Variants in LAMA5 observed in about 807,000 individuals in gnomAD.
The protein encoded by LAMA5 is laminin subunit alpha-5.
Under a neutral mutation model 433.4 loss-of-function variants are expected in LAMA5, and 260 were observed. The ratio of observed to expected loss-of-function variants is 0.60; its 90% confidence interval spans 0.54 to 0.66. LAMA5 has a LOEUF of 0.66. Among genes scored for constraint, LAMA5 ranks in the 30% least tolerant of loss-of-function variants. The probability of loss-of-function intolerance (pLI) is 0.00; values close to 1 mark genes in which losing one functional copy is unlikely to be tolerated. For synonymous variants in LAMA5, 2,620 were observed against 2,226.6 expected (o/e 1.18, Z -4.97); for missense variants, 5,378 against 5,258.5 (o/e 1.02, Z -0.70).
Position 62,310,278 on chromosome 20 carries a change from A to AG in LAMA5, c.10633dup (p.Leu3545ProfsTer41). On this transcript the variant is annotated frameshift_variant, in exon 77 of 80. Coordinates refer to ENST00000252999, the MANE Select transcript of LAMA5 (RefSeq NM_005560.6). LOFTEE classifies it high-confidence loss of function. The stretch of plus-strand genomic sequence containing the variant: ...TGCCAGGGGCCGCACCTCCAGTTCC[A>AG]GGCCCACATCAGGCAGTGTAGCTCC... The AG allele has an allele frequency of 1.2e-6, 2 of 1,610,888 alleles. No individual in the cohort carries two copies. The highest frequency in any genetic ancestry group is 8.5e-7 in the Non-Finnish European group (1 of 1,178,814).
chr20:62,316,765 C>A lies in LAMA5; in HGVS notation c.7662G>T (p.Val2554=), dbSNP rs750985485. 2 of 1,604,920 alleles carry A rather than the reference C, an allele frequency of 1.2e-6. No individual in the cohort carries two copies. The highest frequency in any genetic ancestry group is 1.7e-6 in the Non-Finnish European group (2 of 1,175,680). ...QQADHTWATV[V]RQGLVDRAQQ... is the part of the protein sequence containing the mutation. ...GGGCTCGGTCCACCAGGCCCTGCCG[C>A]ACCACCGTCTGTGGATGCCAGGGCA... is the stretch of plus-strand genomic sequence containing the variant. The change falls in exon 57 of 80, where the codon GTG becomes GTT. Residue 2554 remains valine, a synonymous_variant. Transcript: ENST00000252999.
At chr20:62,352,510 A>G in intron 3 of LAMA5, 150 bp from the exon 4 acceptor site, 1 of 638,218 alleles carries the variant, frequency 1.6e-6, no homozygotes, top group Admixed American at 2.6e-5. Context: ...TCACTGGCTG[A>G]AGGGGCCTGG....
chr20:62,334,640 A>T lies in LAMA5; in HGVS notation c.2483-19T>A. Reference sequence around the variant, plus strand: ...CGGCAGCCTGCAGGGAGAAGGTGGGAGGTCAGAGGCTGCCTGGCCCCCACC... The same window carrying T: ...CGGCAGCCTGCAGGGAGAAGGTGGGTGGTCAGAGGCTGCCTGGCCCCCACC... On this transcript the variant is annotated intron_variant, in intron 20 of 79. Coordinates refer to ENST00000252999, the MANE Select transcript of LAMA5 (RefSeq NM_005560.6). 6.5e-7 allele frequency: 1 copy of T among 1,539,720 alleles called. No homozygotes were observed.
chr20:62,325,190 G>A lies in LAMA5; in HGVS notation c.5529+126C>T, dbSNP rs1156418951. 8 of 675,004 alleles carry A rather than the reference G, an allele frequency of 1.2e-5. No homozygotes were observed. In the Admixed American group the frequency reaches 2.2e-4, roughly 19 times the overall value. The allele number at this position is 675,004 out of a possible 1,614,324, so 41.8% of individuals were successfully genotyped here. A position where few individuals can be genotyped will look rare whatever the true frequency, so the allele number is the denominator to read the frequency against. On this transcript the variant is annotated intron_variant, in intron 41 of 79. Transcript: ENST00000252999. ...GGCCAGCAGCCTGTGAAAAGCAGGG[G>A]CAGGAAGAGAGGTGAGTAGGGTGAC... is the stretch of plus-strand genomic sequence containing the variant.
At chr20:62,366,815 G>A (rs568548311) in intron 1 of LAMA5, 134 bp downstream of exon 1, 2 of 1,184,454 alleles carry the variant, frequency 1.7e-6, no homozygotes, top group African/African-American at 1.6e-5. Flanking sequence ...GTGCCTTCTT[G>A]GGCCCCCAAA....
Position 62,346,804 on chromosome 20 carries a change from G to A in LAMA5, c.1073-4C>T, listed in dbSNP as rs755129053. 6.2e-7 allele frequency: 1 copy of A among 1,610,988 alleles called. No individual in the cohort carries two copies. The highest frequency in any genetic ancestry group is 1.3e-5 in the African/African-American group (1 of 74,900). ...GCATGGCCGTAGCAGTTACAGGCTAGAGAGAGGGGAGCGCAGCTGTTGGCA... is the reference window on the plus strand; with the variant it reads ...GCATGGCCGTAGCAGTTACAGGCTAAAGAGAGGGGAGCGCAGCTGTTGGCA... On this transcript the variant is annotated splice_polypyrimidine_tract_variant and splice_region_variant and intron_variant, in intron 7 of 79. Coordinates refer to ENST00000252999, the MANE Select transcript of LAMA5 (RefSeq NM_005560.6).
Position 62,310,325 on chromosome 20 carries a change from T to TTGTGATG in LAMA5, c.10601-21_10601-15dup, listed in dbSNP as rs781702823. ...CTCCTGGGAGGTCTGCGGGGAGGGG[T>TTGTGATG]TGTGATGGAGAAGAAAGGGGGGGCC... On this transcript the variant is annotated splice_polypyrimidine_tract_variant and intron_variant, in intron 76 of 79. Coordinates refer to ENST00000252999, the MANE Select transcript of LAMA5 (RefSeq NM_005560.6). The TTGTGATG allele has an allele frequency of 6.3e-7, 1 of 1,588,578 alleles. No individual in the cohort carries two copies. Among genetic ancestry groups the TTGTGATG allele is most frequent in the Admixed American group, 1.7e-5 (1 of 58,124 alleles).
chr20:62,346,891 G>GT (rs1367894172), intron 7 of LAMA5, 22 bp downstream of exon 7: 7 of 1,609,626 alleles, frequency 4.3e-6, no homozygotes, highest in Non-Finnish European at 5.1e-6. Flanking sequence ...CAGGACACAC[G>GT]TGTGTGGGAG....
intron 50 of LAMA5, among the ~76,000 whole-genome samples, chr20:62,320,318 C>CAAAA (rs60260941): frequency 8.6e-4 from 44 of 51,214 alleles, no homozygotes; most frequent in African/African-American, 1.6e-3. Flanking sequence ...AACTGTGTCT[C>CAAAA]AAAAAAAAAA....
chr20:62,312,384 G>T lies in LAMA5; in HGVS notation c.9360+16C>A, dbSNP rs368706298. On this transcript the variant is annotated intron_variant, in intron 68 of 79. Transcript: ENST00000252999. ...TGTCCACAGATGCCACCCCCAGCCC[G>T]GGGAGGGCTGCTCACCAGCAGGTCG... 4 of 1,599,098 alleles carry T rather than the reference G, an allele frequency of 2.5e-6. No individual in the cohort carries two copies. Among genetic ancestry groups the T allele is most frequent in the Non-Finnish European group, 3.4e-6 (4 of 1,179,002 alleles).
At chr20:62,366,534 A>C (rs916356817) in intron 1 of LAMA5, among the ~76,000 whole-genome samples, 2 of 152,044 alleles carry the variant, frequency 1.3e-5, no homozygotes, top group African/African-American at 4.8e-5. Context: ...CTCCCACCCC[A>C]TCCAGAGGCC....
chr20:62,321,175 G>A (rs1219056397), intron 48 of LAMA5, among the ~76,000 whole-genome samples: 1 of 129,328 alleles, frequency 7.7e-6, no homozygotes, highest in African/African-American at 3.0e-5. Context: ...GGCCGGTGGA[G>A]GCAGGGTCAG....
Position 62,346,934 on chromosome 20 carries a change from T to C in LAMA5, c.1051A>G (p.Asn351Asp), listed in dbSNP as rs768224630. 6.2e-7 allele frequency: 1 copy of C among 1,612,908 alleles called. No homozygotes were observed. Among genetic ancestry groups the C allele is most frequent in the East Asian group, 2.2e-5 (1 of 44,866 alleles). Residue 351 changes from asparagine (N) to aspartate (D), a missense_variant, in exon 7 of 80, where the codon AAC (asparagine) becomes GAC (aspartate). Transcript: ENST00000252999. ...NQQPWKPATA[N>D]SANECQSCNC... ...TCACACTGGCACTCGTTGGCACTGTTGGCAGTCGCAGGCTTCCACGGCTGC... is the reference window on the plus strand; with the variant it reads ...TCACACTGGCACTCGTTGGCACTGTCGGCAGTCGCAGGCTTCCACGGCTGC...
At chr20:62,318,746 T>C (rs1393122285) in intron 52 of LAMA5, 96 bp from the exon 53 acceptor site, 3 of 1,571,390 alleles carry the variant, frequency 1.9e-6, no homozygotes, top group African/African-American at 1.3e-5. Flanking sequence ...ATCTGCCCCG[T>C]GATGCCCACC....
chr20:62,347,877 C>T (rs1983622966), intron 6 of LAMA5, among the ~76,000 whole-genome samples: 1 of 152,202 alleles, frequency 6.6e-6, no homozygotes, highest in Non-Finnish European at 1.5e-5. Context: ...GCCCACCTCA[C>T]AGGGCCTCGG....
At chr20:62,337,068 A>C in intron 16 of LAMA5, 1 of 637,912 alleles carries the variant, frequency 1.6e-6, no homozygotes, top group South Asian at 1.5e-5. Context: ...ACACGTCTGA[A>C]CAAGCACACA....
Position 62,309,073 on chromosome 20 carries a change from A to AAGTT in LAMA5, c.*259_*262dup, listed in dbSNP as rs751218008. 3.3e-4 allele frequency: 202 copies of AAGTT among 606,874 alleles called. 1 individual carries two copies. Among genetic ancestry groups the AAGTT allele is most frequent in the Non-Finnish European group, 4.7e-4 (172 of 362,684 alleles). The allele number at this position is 606,874 out of a possible 1,614,324, so 37.6% of individuals were successfully genotyped here. A position where few individuals can be genotyped will look rare whatever the true frequency, so the allele number is the denominator to read the frequency against. ...AGTCAACATTCATTCGGTTACACAG[A>AAGTT]AGTTACTTTTTAATTTTTAAGGAGG... is the stretch of plus-strand genomic sequence containing the variant. On this transcript the variant is annotated 3_prime_UTR_variant, in exon 80 of 80. Transcript: ENST00000252999.
Position 62,334,315 on chromosome 20 carries a change from G to A in LAMA5, c.2610C>T (p.Asp870=), listed in dbSNP as rs1252658042. 1.2e-6 allele frequency: 2 copies of A among 1,608,852 alleles called. No individual in the cohort carries two copies. The highest frequency in any genetic ancestry group is 1.7e-5 in the Admixed American group (1 of 59,532). The change falls in exon 22 of 80, where the codon GAC becomes GAT. Residue 870 remains aspartate, a synonymous_variant. Transcript: ENST00000252999. The part of the protein sequence containing the change: ...SEPARDHYLP[D]LHHLRLELEE... ...CCAGCTCCAGGCGCAGGTGGTGCAG[G>A]TCCGGGAGGTAGTGGTCCCTCGCAG...
intron 1 of LAMA5, among the ~76,000 whole-genome samples, chr20:62,364,704 T>C (rs887080284): frequency 2.0e-5 from 3 of 152,202 alleles, no homozygotes; most frequent in Admixed American, 6.5e-5. Flanking sequence ...GATGCCCACC[T>C]GGGGCTGTGA....
Sources: allele counts gnomAD v4.1 joint callset (sites outside exome capture counted in the v4.1 genomes callset), GRCh38; gene constraint gnomAD v4.1.1; transcripts MANE v1.5; gene names NCBI Gene and HGNC (gene_info 2026-07-23, HGNC 2026-07-21).